The following PEAK1 variants were observed in gnomAD, a reference collection of about 807,000 sequenced individuals.
PEAK1 encodes the protein pseudopodium enriched atypical kinase 1, also known as inactive tyrosine-protein kinase PEAK1.
In PEAK1, 54 loss-of-function variants were observed where a neutral mutation model predicts 124.7. That is an observed-to-expected ratio of 0.43 (90% confidence interval 0.35 to 0.54). The LOEUF is 0.54. Ranked by LOEUF, PEAK1 falls within the 20% of genes least tolerant of loss-of-function variation. The pLI, the probability that PEAK1 is intolerant of heterozygous loss-of-function variation, is 0.01. For missense variants in PEAK1, 2,046 were observed against 2,134.5 expected (o/e 0.96, Z 0.82); for synonymous variants, 719 against 760.0 (o/e 0.95, Z 0.89).
chr15:77,181,778 C>G lies in PEAK1; in HGVS notation c.149G>C (p.Ser50Thr), dbSNP rs939918641. 1 of 1,613,982 alleles carries G rather than the reference C, an allele frequency of 6.2e-7. No individual in the cohort carries two copies. The highest frequency in any genetic ancestry group is 1.3e-5 in the African/African-American group (1 of 74,892). The change falls in exon 7 of 10, where the codon AGT (serine) becomes ACT (threonine). Residue 50 changes from serine to threonine, a missense_variant. Transcript: ENST00000682557. ...HGNVKTNANH[S>T]NNHRIRNTGN... ...CGTGTTCCTGATGCGGTGGTTGTTA[C>G]TGTGATTGGCATTAGTTTTCACATT...
intron 6 of PEAK1, among the ~76,000 whole-genome samples, chr15:77,224,711 T>A (rs180948197): frequency 6.6e-6 from 1 of 152,202 alleles, no homozygotes; most frequent in East Asian, 1.9e-4. Flanking sequence ...CCAGAATTTA[T>A]AATTTCTCAC....
chr15:77,114,022 C>A lies in PEAK1; in HGVS notation c.*134G>T, dbSNP rs577898164. 353 of 914,892 alleles carry A rather than the reference C, an allele frequency of 3.9e-4. 4 individuals are homozygous for A. In the South Asian group the frequency reaches 5.4e-3, roughly 14 times the overall value. 56.7% of individuals were successfully genotyped at this position (914,892 alleles called of 1,614,324 possible). A position where few individuals can be genotyped will look rare whatever the true frequency, so the allele number is the denominator to read the frequency against. Reference sequence around the variant, plus strand: ...GCAGTGGATAACCTTTCTGAATAGACCCACTTGTTCACGGACAGGGATAGA... The same window carrying A: ...GCAGTGGATAACCTTTCTGAATAGAACCACTTGTTCACGGACAGGGATAGA... On this transcript the variant is annotated 3_prime_UTR_variant, in exon 10 of 10. Coordinates refer to ENST00000682557, the MANE Select transcript of PEAK1 (RefSeq NM_001385026.1).
rs997843766 is a variant in PEAK1, at chr15:77,347,615, C to T, written c.-603+17548G>A. ...TTTGACCTACACATTTGAGATAGCC[C>T]AGAGACTTTAAAAAAATTTTAATGT... On this transcript the variant is annotated intron_variant, in intron 2 of 9. Transcript: ENST00000682557. 4 of 984,904 alleles carry T rather than the reference C, an allele frequency of 4.1e-6. No individual in the cohort carries two copies. The African/African-American group carries it at 7.0e-5, about 17-fold the overall frequency. 61.0% of individuals were successfully genotyped at this position (984,904 alleles called of 1,614,324 possible). A position where few individuals can be genotyped will look rare whatever the true frequency, so the allele number is the denominator to read the frequency against.
chr15:77,236,618 T>G (rs1366817801), intron 6 of PEAK1, among the ~76,000 whole-genome samples: 3 of 152,108 alleles, frequency 2.0e-5, no homozygotes, highest in African/African-American at 2.4e-5. Context: ...CTGGAATGAG[T>G]TAAGACTGGG....
intron 6 of PEAK1, among the ~76,000 whole-genome samples, chr15:77,211,463 A>G (rs1189325138): frequency 6.6e-6 from 1 of 152,176 alleles, no homozygotes. Flanking sequence ...CTGGCTAAAT[A>G]ATGTTGATTT....
chr15:77,394,909 C>A lies in PEAK1; in HGVS notation c.-666+25097G>T, dbSNP rs140713595. Among the ~76,000 whole-genome samples the A allele has an allele frequency of 7.5e-4, 114 of 152,296 alleles. 1 individual carries two copies. The highest frequency in any genetic ancestry group is 2.3e-3 in the Admixed American group (35 of 15,300). ...TGTTTGAGGGGATGGATACCCCATT[C>A]TCCATGATGTGACTATTACTCATTC... On this transcript the variant is annotated intron_variant, in intron 1 of 9. Transcript: ENST00000682557.
chr15:77,232,224 G>A (rs941976533), intron 6 of PEAK1, among the ~76,000 whole-genome samples: 6 of 151,980 alleles, frequency 3.9e-5, no homozygotes, highest in South Asian at 2.1e-4. Context: ...ACACTCTCTT[G>A]ACTCTCCTTC....
chr15:77,413,909 T>C (rs1029994122), intron 1 of PEAK1, among the ~76,000 whole-genome samples: 2 of 152,114 alleles, frequency 1.3e-5, no homozygotes, highest in African/African-American at 4.8e-5. Context: ...CTACAGCCTC[T>C]ACCATCCAGG....
At chr15:77,149,331 T>C (rs988034318) in intron 8 of PEAK1, among the ~76,000 whole-genome samples, 5 of 152,212 alleles carry the variant, frequency 3.3e-5, no homozygotes, top group Admixed American at 3.3e-4. Context: ...ATCCACTGCC[T>C]TATTAAAGAA....
chr15:77,202,899 T>TGGCAGTGTACA (rs1470941741), intron 6 of PEAK1, among the ~76,000 whole-genome samples: 9 of 151,884 alleles, frequency 5.9e-5, no homozygotes, highest in Non-Finnish European at 7.4e-5. Context: ...TACCTGGGTG[T>TGGCAGTGTACA]GGCAGTGCGC....
At chr15:77,275,122 G>A (rs374642365) in intron 5 of PEAK1, among the ~76,000 whole-genome samples, 1 of 152,178 alleles carries the variant, frequency 6.6e-6, no homozygotes, top group African/African-American at 2.4e-5. Flanking sequence ...CTATGAGGAT[G>A]CAAAGACATA....
chr15:77,237,695 G>T (rs1364400641), intron 6 of PEAK1, among the ~76,000 whole-genome samples: 2 of 151,544 alleles, frequency 1.3e-5, no homozygotes, highest in Admixed American at 1.3e-4. Flanking sequence ...CTCCCACTAT[G>T]ATCTTGGTTT....
chr15:77,413,291 C>T (rs1050564772), intron 1 of PEAK1, among the ~76,000 whole-genome samples: 1 of 152,188 alleles, frequency 6.6e-6, no homozygotes, highest in Non-Finnish European at 1.5e-5. Flanking sequence ...TAATTTCCAT[C>T]CCTTTAAGTG....
chr15:77,128,084 A>G (rs1354048962), intron 9 of PEAK1, among the ~76,000 whole-genome samples: 1 of 151,682 alleles, frequency 6.6e-6, no homozygotes, highest in Non-Finnish European at 1.5e-5. Flanking sequence ...ATCTCAAGAA[A>G]AAAAAAAAAA....
At chr15:77,205,671 G>C (rs2058606189) in intron 6 of PEAK1, among the ~76,000 whole-genome samples, 1 of 152,092 alleles carries the variant, frequency 6.6e-6, no homozygotes, top group East Asian at 1.9e-4. Context: ...TGAGTATATA[G>C]TGTATATGCT....
At chr15:77,354,203 A>G (rs2067366104) in intron 2 of PEAK1, among the ~76,000 whole-genome samples, 1 of 152,228 alleles carries the variant, frequency 6.6e-6, no homozygotes, top group African/African-American at 2.4e-5. Context: ...CCACTCCAAA[A>G]GTTCCTTCTA....
intron 5 of PEAK1, chr15:77,278,832 G>GTTTTTTTTTTT (rs34583265): frequency 4.7e-6 from 1 of 212,908 alleles, no homozygotes; most frequent in African/African-American, 3.0e-5. Flanking sequence ...AATTTTGTGG[G>GTTTTTTTTTTT]TTTTTTTTTT....
chr15:77,407,570 C>T (rs2071935882), intron 1 of PEAK1, among the ~76,000 whole-genome samples: 1 of 152,214 alleles, frequency 6.6e-6, no homozygotes. Context: ...GCAATACCAC[C>T]TTACTCCTGC....
At chr15:77,102,332 C>CT (rs1338246727) in exon 7 of PEAK1, 1 of 152,118 alleles carries the variant, frequency 6.6e-6, no homozygotes, top group African/African-American at 2.4e-5. Flanking sequence ...GTGTTGAAAT[C>CT]TTTTTTCTGG....
Sources: allele counts gnomAD v4.1 joint callset (sites outside exome capture counted in the v4.1 genomes callset), GRCh38; gene constraint gnomAD v4.1.1; transcripts MANE v1.5; gene names NCBI Gene and HGNC (gene_info 2026-07-23, HGNC 2026-07-21).